The following CSMD1 variants were observed in gnomAD, a reference collection of about 807,000 sequenced individuals.
CSMD1 encodes the protein CUB and Sushi multiple domains 1.
Under a neutral mutation model 417.5 loss-of-function variants are expected in CSMD1, and 213 were observed. The observed-to-expected ratio is 0.51, with a 90% CI of 0.46 to 0.57. The LOEUF (loss-of-function observed/expected upper bound fraction) is 0.57, where lower values mean the gene tolerates loss of function less well. Ranked by LOEUF, CSMD1 falls within the 20% of genes least tolerant of loss-of-function variation. The pLI is 0.00. For missense variants in CSMD1, 6,923 were observed against 4,529.7 expected, an observed-to-expected ratio of 1.53 and a Z score of -15.17; for synonymous variants, 2,862 against 1,736.8, an observed-to-expected ratio of 1.65 and a Z score of -16.11.
chr8:4,018,518 G>A (rs1182634556), intron 4 of CSMD1, among the ~76,000 whole-genome samples: 5 of 152,104 alleles, frequency 3.3e-5, no homozygotes, highest in South Asian at 2.1e-4. Context: ...AAGCCCAGCA[G>A]CTTCCCTCTC....
intron 5 of CSMD1, among the ~76,000 whole-genome samples, chr8:3,913,274 G>C (rs892555004): frequency 6.6e-6 from 1 of 152,102 alleles, no homozygotes; most frequent in African/African-American, 2.4e-5. Flanking sequence ...GGAAGCCATG[G>C]GGAGGTTTTT....
chr8:3,625,548 T>A (rs754283824), intron 7 of CSMD1, among the ~76,000 whole-genome samples: 26 of 152,212 alleles, frequency 1.7e-4, no homozygotes, highest in Non-Finnish European at 3.7e-4. Context: ...CTAACTCAAC[T>A]GCCATGGTCT....
rs972558623 is a variant in CSMD1 at position 3,434,659 on chromosome 8, C to A, written c.1562-25054G>T. Among the ~76,000 whole-genome samples the A allele has an allele frequency of 2.6e-5, 4 of 152,292 alleles. No homozygotes were observed. The East Asian group carries it at 7.7e-4, about 29-fold the overall frequency. The stretch of plus-strand genomic sequence containing the variant: ...TCAACCTAATTGTTTGATCTGATCT[C>A]TCCACCTTTTCTCCATATCCCCCTC... On this transcript the variant is annotated intron_variant, in intron 12 of 69. Transcript: ENST00000635120.
chr8:3,670,959 G>GAT (rs1563255854), intron 7 of CSMD1, among the ~76,000 whole-genome samples: 1 of 117,586 alleles, frequency 8.5e-6, no homozygotes. Flanking sequence ...ATGTGTATGG[G>GAT]ATATATGTAT....
intron 3 of CSMD1, among the ~76,000 whole-genome samples, chr8:4,068,162 T>G (rs1382993520): frequency 6.6e-6 from 1 of 152,148 alleles, no homozygotes; most frequent in Non-Finnish European, 1.5e-5. Context: ...GAGAGTCATT[T>G]AGGGTTTTCT....
intron 3 of CSMD1, among the ~76,000 whole-genome samples, chr8:4,255,084 T>C (rs1476361387): frequency 1.3e-5 from 2 of 152,190 alleles, no homozygotes; most frequent in Admixed American, 6.5e-5. Context: ...TTTGCTCAAA[T>C]GGTTTAACCC....
chr8:3,311,645 G>A (rs1405584690), intron 23 of CSMD1, among the ~76,000 whole-genome samples: 1 of 152,202 alleles, frequency 6.6e-6, no homozygotes, highest in Non-Finnish European at 1.5e-5. Context: ...TTGCATGGGT[G>A]CCCAAAGTAT....
intron 12 of CSMD1, among the ~76,000 whole-genome samples, chr8:3,416,716 G>T (rs139186359): frequency 6.6e-6 from 1 of 152,198 alleles, no homozygotes; most frequent in East Asian, 1.9e-4. Flanking sequence ...GGCATGTCAG[G>T]CAAGGCAGCA....
Position 4,420,901 on chromosome 8 carries a change from G to C in CSMD1, c.303-836C>G, listed in dbSNP as rs78223374. Among the ~76,000 whole-genome samples the C allele has an allele frequency of 3.9e-3, 587 of 152,210 alleles. 4 individuals carry two copies. The highest frequency in any genetic ancestry group is 0.013 in the African/African-American group (555 of 41,550). On this transcript the variant is annotated intron_variant, in intron 2 of 69. Transcript: ENST00000635120. ...GGTCTGTCCTCTTTCACCCTCCTAG[G>C]AGCCCTCCTCCCTCCCTGTCTTTTG...
At chr8:3,210,536 T>C (rs965556568) in intron 30 of CSMD1, among the ~76,000 whole-genome samples, 8 of 42,162 alleles carry the variant, frequency 1.9e-4, no homozygotes, top group African/African-American at 2.5e-4. Context: ...TGAATATATA[T>C]ACATATATAC....
intron 3 of CSMD1, among the ~76,000 whole-genome samples, chr8:4,146,889 A>T (rs1804169464): frequency 6.9e-6 from 1 of 144,422 alleles, no homozygotes; most frequent in African/African-American, 2.9e-5. Context: ...GCGTGATTAC[A>T]TGTGTGAGCC....
intron 42 of CSMD1, among the ~76,000 whole-genome samples, chr8:3,116,919 T>C (rs1816908632): frequency 6.6e-6 from 1 of 152,154 alleles, no homozygotes; most frequent in African/African-American, 2.4e-5. Flanking sequence ...TAAAAAATGT[T>C]TTAATGAAAA....
chr8:3,361,574 C>T (rs576570892), intron 20 of CSMD1, among the ~76,000 whole-genome samples: 2 of 150,288 alleles, frequency 1.3e-5, no homozygotes, highest in Non-Finnish European at 3.0e-5. Flanking sequence ...ATCGCTTGAA[C>T]CCTGGAGGTG....
chr8:4,869,500 C>G (rs1371663398), intron 1 of CSMD1, among the ~76,000 whole-genome samples: 4 of 151,962 alleles, frequency 2.6e-5, no homozygotes, highest in Non-Finnish European at 4.4e-5. Flanking sequence ...AGTTTAAACT[C>G]AAGGTAGTTG....
chr8:3,778,557 G>T (rs954332216), intron 5 of CSMD1, among the ~76,000 whole-genome samples: 1 of 152,106 alleles, frequency 6.6e-6, no homozygotes, highest in Admixed American at 6.5e-5. Context: ...CTTGCCTGGG[G>T]TTTATTTTCT....
chr8:4,129,456 G>A (rs1264298171), intron 3 of CSMD1, among the ~76,000 whole-genome samples: 1 of 152,120 alleles, frequency 6.6e-6, no homozygotes, highest in Non-Finnish European at 1.5e-5. Context: ...AGGTGCATGG[G>A]AGATAAAAAT....
chr8:3,929,367 A>G lies in CSMD1; in HGVS notation c.818+68536T>C, dbSNP rs528468214. Among the ~76,000 whole-genome samples, 10 of 150,644 alleles carry G rather than the reference A, an allele frequency of 6.6e-5. 1 individual carries two copies. The East Asian group carries it at 2.0e-3, about 29-fold the overall frequency. On this transcript the variant is annotated intron_variant, in intron 5 of 69. Transcript: ENST00000635120. The stretch of plus-strand genomic sequence containing the variant: ...ATTTTTAATACTAGACATTATTTGA[A>G]AAAGTTCGTGAATGTTCACAGCCAA...
intron 1 of CSMD1, among the ~76,000 whole-genome samples, chr8:4,896,093 A>AT (rs1457737888): frequency 2.6e-5 from 4 of 151,812 alleles, no homozygotes; most frequent in Admixed American, 1.3e-4. Flanking sequence ...CTGTCTGAAA[A>AT]TTTTTTTCTG....
At chr8:4,366,992 G>T (rs1457203841) in intron 3 of CSMD1, among the ~76,000 whole-genome samples, 1 of 152,064 alleles carries the variant, frequency 6.6e-6, no homozygotes, top group South Asian at 2.1e-4. Flanking sequence ...CCATTCTGGA[G>T]GTTGTCTGCT....
Sources: allele counts gnomAD v4.1 joint callset (sites outside exome capture counted in the v4.1 genomes callset), GRCh38; gene constraint gnomAD v4.1.1; transcripts MANE v1.5; gene names NCBI Gene and HGNC (gene_info 2026-07-23, HGNC 2026-07-21).